CCDC148: variants seen among roughly 807,000 people sequenced by gnomAD.
The protein encoded by CCDC148 is coiled-coil domain containing 148, also known as coiled-coil domain-containing protein 148.
A neutral mutation model predicts 85.7 loss-of-function variants in CCDC148; 89 were observed. The observed-to-expected ratio is 1.04, with a 90% CI of 0.87 to 1.24. The LOEUF (loss-of-function observed/expected upper bound fraction) is 1.24, where lower values mean the gene tolerates loss of function less well. Among genes scored for constraint, CCDC148 ranks in the 50% most tolerant of loss-of-function variants. The probability of loss-of-function intolerance (pLI) is 0.00; values close to 1 mark genes in which losing one functional copy is unlikely to be tolerated. For missense variants in CCDC148, 692 were observed against 671.7 expected, an observed-to-expected ratio of 1.03 and a Z score of -0.33; for synonymous variants, 230 against 213.9, an observed-to-expected ratio of 1.08 and a Z score of -0.66.
chr2:158,357,541 G>T (rs1317721229), intron 2 of CCDC148, among the ~76,000 whole-genome samples: 2 of 152,112 alleles, frequency 1.3e-5, no homozygotes, highest in Non-Finnish European at 2.9e-5. Context: ...TTGTTAGGAT[G>T]ATAGTAATAT....
At chr2:158,355,197 C>A (rs1447289364) in intron 2 of CCDC148, among the ~76,000 whole-genome samples, 1 of 152,024 alleles carries the variant, frequency 6.6e-6, no homozygotes, top group Non-Finnish European at 1.5e-5. Context: ...CTCACCACTC[C>A]TATTCAACAT....
chr2:158,223,043 G>A lies in CCDC148; in HGVS notation c.1252-2330C>T, dbSNP rs559767604. On this transcript the variant is annotated intron_variant, in intron 10 of 13. Coordinates refer to ENST00000283233, the MANE Select transcript of CCDC148 (RefSeq NM_138803.4). The stretch of plus-strand genomic sequence containing the variant: ...GCATCGCCTCACCTGGGAAGCACAA[G>A]GGGTCAGGGAATTGCCTTTCCTAGT... Among the ~76,000 whole-genome samples the A allele has an allele frequency of 5.9e-5, 9 of 152,312 alleles. No homozygotes were observed. The South Asian group carries it at 1.4e-3, about 25-fold the overall frequency.
chr2:158,248,617 C>T (rs16842809), intron 10 of CCDC148, among the ~76,000 whole-genome samples: 2,122 of 152,156 alleles, frequency 0.014, 56 homozygotes, highest in African/African-American at 0.045. Context: ...ACACTTTATA[C>T]ATGTAACACC....
chr2:158,260,483 T>G (rs986732601), intron 9 of CCDC148, among the ~76,000 whole-genome samples: 1 of 151,936 alleles, frequency 6.6e-6, no homozygotes, highest in Non-Finnish European at 1.5e-5. Flanking sequence ...ACCACTACTA[T>G]GCAACATAGT....
chr2:158,321,733 C>T (rs150537442), intron 7 of CCDC148, among the ~76,000 whole-genome samples: 5 of 152,292 alleles, frequency 3.3e-5, no homozygotes, highest in Admixed American at 3.3e-4. Flanking sequence ...TTATGTGAAG[C>T]CACACAGTGT....
chr2:158,433,261 A>AATATATATATATATACATATATATAT (rs1553521612), intron 1 of CCDC148, among the ~76,000 whole-genome samples: 5 of 122,550 alleles, frequency 4.1e-5, no homozygotes, highest in African/African-American at 1.4e-4. Context: ...CCTTGACTCA[A>AATATATATATATATACATATATATAT]ATATATATAT....
chr2:158,351,373 T>G (rs1683270295), intron 2 of CCDC148, among the ~76,000 whole-genome samples: 2 of 152,236 alleles, frequency 1.3e-5, no homozygotes, highest in South Asian at 4.2e-4. Context: ...GGTCAGTGGG[T>G]GGGCGCAACG....
intron 1 of CCDC148, among the ~76,000 whole-genome samples, chr2:158,432,236 A>T (rs79505324): frequency 8.0e-6 from 1 of 124,754 alleles, no homozygotes; most frequent in African/African-American, 3.1e-5. Flanking sequence ...TGATGAAAAT[A>T]AAAAAAAACA....
chr2:158,179,904 C>A (rs1383307895), intron 11 of CCDC148, among the ~76,000 whole-genome samples: 1 of 152,150 alleles, frequency 6.6e-6, no homozygotes, highest in Non-Finnish European at 1.5e-5. Context: ...CCCTTAAAAT[C>A]ATCGGCTATT....
At chr2:158,436,139 C>A (rs541079435) in intron 1 of CCDC148, among the ~76,000 whole-genome samples, 13 of 152,158 alleles carry the variant, frequency 8.5e-5, no homozygotes, top group African/African-American at 2.9e-4. Flanking sequence ...AATAGACATC[C>A]ACAGAACTCT....
Position 158,291,239 on chromosome 2 carries a change from C to G in CCDC148, c.1110+18194G>C, listed in dbSNP as rs116053134. Among the ~76,000 whole-genome samples, 664 of 152,270 alleles carry G rather than the reference C, an allele frequency of 4.4e-3. 4 individuals are homozygous for G. The highest frequency in any genetic ancestry group is 0.015 in the African/African-American group (617 of 41,544). On this transcript the variant is annotated intron_variant, in intron 9 of 13. Transcript: ENST00000283233. ...AGTGGCTGGTATTACAGGCATGTGCCACGGTCCCCAGGTCCCAGGCTGATC... is the reference window on the plus strand; with the variant it reads ...AGTGGCTGGTATTACAGGCATGTGCGACGGTCCCCAGGTCCCAGGCTGATC...
intron 10 of CCDC148, among the ~76,000 whole-genome samples, chr2:158,243,406 C>T (rs561994947): frequency 1.4e-3 from 212 of 152,230 alleles, no homozygotes; most frequent in Non-Finnish European, 2.6e-3. Flanking sequence ...CCCTTTCAGT[C>T]CAAGCTGGCA....
In CCDC148 at chr2:158,329,466, T is replaced by C. The variant is rs954375326; in HGVS notation, c.764+9260A>G. On this transcript the variant is annotated intron_variant, in intron 7 of 13. Transcript: ENST00000283233. ...GGTGATGCCTCCAGCTTTGTTCTTTTGGCTTAGGATTGACTTGGCGATGTG... is the reference window on the plus strand; with the variant it reads ...GGTGATGCCTCCAGCTTTGTTCTTTCGGCTTAGGATTGACTTGGCGATGTG... Among the ~76,000 whole-genome samples, 4 of 152,150 alleles carry C rather than the reference T, an allele frequency of 2.6e-5. 1 individual carries two copies. The highest frequency in any genetic ancestry group is 5.9e-5 in the Non-Finnish European group (4 of 68,040).
chr2:158,357,811 T>C (rs1240085717), intron 2 of CCDC148, among the ~76,000 whole-genome samples: 4 of 152,162 alleles, frequency 2.6e-5, no homozygotes, highest in Non-Finnish European at 5.9e-5. Context: ...TACAAATAAC[T>C]TGTAAATTAC....
chr2:158,309,803 G>A (rs1000834172), intron 8 of CCDC148, among the ~76,000 whole-genome samples, 164 bp from the exon 9 acceptor site: 8 of 152,182 alleles, frequency 5.3e-5, no homozygotes, highest in Non-Finnish European at 8.8e-5. Flanking sequence ...AGGTACTACC[G>A]CCAAAATTCT....
chr2:158,417,680 T>G (rs1462479330), intron 1 of CCDC148, among the ~76,000 whole-genome samples: 3 of 152,184 alleles, frequency 2.0e-5, no homozygotes, highest in Non-Finnish European at 4.4e-5. Context: ...TCCCTCTCCT[T>G]TACCGTCCAC....
At chr2:158,279,295 T>C (rs564582648) in intron 9 of CCDC148, among the ~76,000 whole-genome samples, 14 of 152,208 alleles carry the variant, frequency 9.2e-5, no homozygotes, top group Middle Eastern at 3.4e-3. Context: ...CTTTGACAAG[T>C]TGAGAGAAGA....
At chr2:158,433,261 A>AATATATATATATATACATATAT (rs1553521612) in intron 1 of CCDC148, among the ~76,000 whole-genome samples, 29 of 122,594 alleles carry the variant, frequency 2.4e-4, no homozygotes, top group African/African-American at 7.5e-4. Context: ...CCTTGACTCA[A>AATATATATATATATACATATAT]ATATATATAT....
At chr2:158,440,528 G>A (rs952717935) in intron 1 of CCDC148, among the ~76,000 whole-genome samples, 1 of 152,040 alleles carries the variant, frequency 6.6e-6, no homozygotes, top group African/African-American at 2.4e-5. Flanking sequence ...CTGAAACCTC[G>A]AATAGTACCA....
Sources: gnomAD v4.1 joint callset for allele counts (sites outside exome capture counted in the v4.1 genomes callset) on GRCh38, gnomAD v4.1.1 for gene constraint, MANE v1.5 for transcripts, NCBI Gene and HGNC (gene_info 2026-07-23, HGNC 2026-07-21) for gene names.